XAGE2: variants seen among roughly 807,000 people sequenced by gnomAD.
XAGE2 encodes X antigen family member 2, also known as G antigen family D member 3.
Under a neutral mutation model 9.9 loss-of-function variants are expected in XAGE2, and 7 were observed. The observed-to-expected ratio is 0.71, with a 90% CI of 0.40 to 1.32. The LOEUF (loss-of-function observed/expected upper bound fraction) is 1.32, where lower values mean the gene tolerates loss of function less well. Among genes scored for constraint, XAGE2 ranks in the 40% most tolerant of loss-of-function variants. The pLI, the probability that XAGE2 is intolerant of heterozygous loss-of-function variation, is 0.01. For missense variants in XAGE2, 85 were observed against 81.0 expected (o/e 1.05, Z -0.19); for synonymous variants, 31 against 26.8 (o/e 1.16, Z -0.48).
At chrX:52,373,637 A>G (rs1255225618) in intron 4 of XAGE2, among the ~76,000 whole-genome samples, 1 of 112,078 alleles carries the variant, frequency 8.9e-6, no homozygotes, top group Non-Finnish European at 1.9e-5. Flanking sequence ...TTCTGCCTTG[A>G]GACATCAGAT....
At chrX:52,372,052 T>C (rs1851650641) in intron 3 of XAGE2, among the ~76,000 whole-genome samples, 2 of 111,791 alleles carry the variant, frequency 1.8e-5, no homozygotes, top group Non-Finnish European at 3.8e-5. Flanking sequence ...TAGATTGTCA[T>C]TTTATATTAG....
chrX:52,369,709 C>T (rs1368466689), intron 1 of XAGE2, among the ~76,000 whole-genome samples: 1 of 112,199 alleles, frequency 8.9e-6, no homozygotes, highest in Non-Finnish European at 1.9e-5. Context: ...AATTCTCTAG[C>T]TGTATAAACT....
In XAGE2 at chrX:52,370,606, A is replaced by G. The variant is rs1358326175; in HGVS notation, c.121A>G (p.Thr41Ala). The G allele has an allele frequency of 6.6e-6, 8 of 1,211,470 alleles. No individual in the cohort carries two copies. The highest frequency in any genetic ancestry group is 8.9e-6 in the Non-Finnish European group (8 of 895,346). The part of the protein sequence containing the change: ...DEEPKEEKPP[T>A]KSRNPTPDQK... ...AGAGCCTAAAGAAGAGAAACCACCC[A>G]CTAAAAGTCGGAATCCTACACCTGA... Residue 41 changes from threonine to alanine, a missense_variant, in exon 3 of 5, where the codon ACT becomes GCT. Transcript: ENST00000286049.
At chrX:52,375,187 T>A (rs945165579) in intron 4 of XAGE2, among the ~76,000 whole-genome samples, 5 of 112,323 alleles carry the variant, frequency 4.5e-5, no homozygotes, top group Admixed American at 2.8e-4. Flanking sequence ...GTACATTTTT[T>A]ATAAATTCCT....
intron 4 of XAGE2, among the ~76,000 whole-genome samples, chrX:52,373,780 A>C (rs1046226701): frequency 9.0e-6 from 1 of 111,663 alleles, no homozygotes; most frequent in Non-Finnish European, 1.9e-5. Context: ...GAAGAACTCC[A>C]TGTTTAGGGA....
chrX:52,370,134 A>C, intron 2 of XAGE2, 39 bp downstream of exon 2: 1 of 1,177,870 alleles, frequency 8.5e-7, no homozygotes, highest in Non-Finnish European at 1.2e-6. Flanking sequence ...TATTAGCAGA[A>C]ATTTCTTTTG....
intron 3 of XAGE2, among the ~76,000 whole-genome samples, chrX:52,372,318 C>A (rs1362985425): frequency 1.8e-5 from 2 of 110,310 alleles, no homozygotes; most frequent in Non-Finnish European, 3.8e-5. Flanking sequence ...TGTGACTGCA[C>A]CCCTGTACTC....
At chrX:52,374,398 A>T (rs1474837144) in intron 4 of XAGE2, among the ~76,000 whole-genome samples, 3 of 110,443 alleles carry the variant, frequency 2.7e-5, no homozygotes, top group African/African-American at 9.9e-5. Flanking sequence ...ATGCCTGGCT[A>T]TTTTTTGTAT....
chrX:52,371,943 T>C (rs1207067444), intron 3 of XAGE2, among the ~76,000 whole-genome samples: 1 of 112,184 alleles, frequency 8.9e-6, no homozygotes, highest in African/African-American at 3.2e-5. Flanking sequence ...AAAATGCTAT[T>C]CATGCAGCAA....
intron 3 of XAGE2, among the ~76,000 whole-genome samples, 171 bp downstream of exon 3, chrX:52,370,843 T>C (rs1391496033): frequency 8.9e-6 from 1 of 112,294 alleles, no homozygotes; most frequent in Non-Finnish European, 1.9e-5. Flanking sequence ...CTTCATGCAG[T>C]CCCTGGATAT....
chrX:52,370,526 A>G, intron 2 of XAGE2, 41 bp from the exon 3 acceptor site: 2 of 1,131,702 alleles, frequency 1.8e-6, no homozygotes, highest in Non-Finnish European at 2.4e-6. Context: ...TTACTAACAA[A>G]ACTTTTTATC....
At chrX:52,374,452 C>T (rs1209341872) in intron 4 of XAGE2, among the ~76,000 whole-genome samples, 5 of 111,703 alleles carry the variant, frequency 4.5e-5, no homozygotes, top group East Asian at 2.8e-4. Context: ...AAGCTGTTCT[C>T]GAACTCCTGA....
intron 1 of XAGE2, among the ~76,000 whole-genome samples, chrX:52,369,513 C>T (rs1228151997): frequency 9.0e-6 from 1 of 110,638 alleles, no homozygotes; most frequent in Non-Finnish European, 1.9e-5. Context: ...ACCGCGACCC[C>T]GAGGTCTGTA....
chrX:52,375,210 T>A (rs1921286114), intron 4 of XAGE2, among the ~76,000 whole-genome samples: 1 of 112,203 alleles, frequency 8.9e-6, no homozygotes, highest in Non-Finnish European at 1.9e-5. Context: ...GTTTCTTAGT[T>A]TTTTTGTGTG....
intron 3 of XAGE2, among the ~76,000 whole-genome samples, chrX:52,371,333 G>A (rs1023815073): frequency 4.5e-5 from 5 of 112,250 alleles, no homozygotes; most frequent in African/African-American, 1.6e-4. Flanking sequence ...CAAATTCAGT[G>A]AAGCAGGATA....
At chrX:52,373,503 G>A (rs1170499577) in intron 4 of XAGE2, among the ~76,000 whole-genome samples, 1 of 111,582 alleles carries the variant, frequency 9.0e-6, no homozygotes, top group African/African-American at 3.3e-5. Flanking sequence ...CTCAAGGTGG[G>A]TGTAAGATGC....
At chrX:52,375,543 T>C in intron 4 of XAGE2, 26 bp from the exon 5 acceptor site, 1 of 1,200,065 alleles carries the variant, frequency 8.3e-7, no homozygotes, top group Non-Finnish European at 1.1e-6. Context: ...GCTAGTAATG[T>C]TCCACCTGTT....
At chrX:52,373,502 G>A (rs1393809710) in intron 4 of XAGE2, among the ~76,000 whole-genome samples, 1 of 111,346 alleles carries the variant, frequency 9.0e-6, no homozygotes, top group Non-Finnish European at 1.9e-5. Flanking sequence ...GCTCAAGGTG[G>A]GTGTAAGATG....
chrX:52,372,436 C>T, intron 3 of XAGE2, 108 bp from the exon 4 acceptor site: 1 of 1,011,774 alleles, frequency 9.9e-7, no homozygotes, highest in Non-Finnish European at 1.4e-6. Flanking sequence ...TATTATCACA[C>T]TAGCCTACAG....
Sources: gnomAD v4.1 joint callset for allele counts (sites outside exome capture counted in the v4.1 genomes callset) on GRCh38, gnomAD v4.1.1 for gene constraint, MANE v1.5 for transcripts, NCBI Gene and HGNC (gene_info 2026-07-23, HGNC 2026-07-21) for gene names.